Variants in MGRN1 observed in about 807,000 individuals in gnomAD.
MGRN1 encodes the protein E3 ubiquitin-protein ligase MGRN1.
Under a neutral mutation model 69.2 loss-of-function variants are expected in MGRN1, and 29 were observed. The observed-to-expected ratio is 0.42, with a 90% CI of 0.31 to 0.57. The LOEUF is 0.57. Among genes scored for constraint, MGRN1 ranks in the 20% least tolerant of loss-of-function variants. The probability of loss-of-function intolerance (pLI) is 0.15; values close to 1 mark genes in which losing one functional copy is unlikely to be tolerated. For synonymous variants in MGRN1, 470 were observed against 344.2 expected, an observed-to-expected ratio of 1.37 and a Z score of -4.04; for missense variants, 998 against 796.2, an observed-to-expected ratio of 1.25 and a Z score of -3.05.
intron 5 of MGRN1, among the ~76,000 whole-genome samples, chr16:4,658,636 C>T (rs558247060): frequency 4.6e-5 from 7 of 152,122 alleles, no homozygotes; most frequent in South Asian, 2.1e-4. Context: ...AGCTGACTTA[C>T]GCTGGGGCCA....
intron 16 of MGRN1, chr16:4,687,896 C>G: frequency 1.0e-6 from 1 of 985,552 alleles, no homozygotes; most frequent in Non-Finnish European, 1.2e-6. Context: ...CTCTGTTGAC[C>G]CCTGTCCTGA....
intron 10 of MGRN1, among the ~76,000 whole-genome samples, chr16:4,675,947 G>A (rs2079044149): frequency 6.6e-6 from 1 of 152,232 alleles, no homozygotes; most frequent in Admixed American, 6.5e-5. Context: ...CATCCCACTG[G>A]TAGGCCCTTG....
rs1468590305 is a variant in MGRN1 at position 4,661,779 on chromosome 16, C to T, written c.562-2930C>T. Among the ~76,000 whole-genome samples, 3 of 152,244 alleles carry T rather than the reference C, an allele frequency of 2.0e-5. No individual in the cohort carries two copies. In the East Asian group the frequency reaches 5.8e-4, roughly 29 times the overall value. On this transcript the variant is annotated intron_variant, in intron 5 of 16. Transcript: ENST00000262370. Reference sequence around the variant, plus strand: ...TTGTGGCTGGAACCCCTGACCCTTCCTCGTGAGATGCGGGGCCTAGGTCCG... The same window carrying T: ...TTGTGGCTGGAACCCCTGACCCTTCTTCGTGAGATGCGGGGCCTAGGTCCG...
At chr16:4,656,358 A>G (rs905297182) in intron 4 of MGRN1, among the ~76,000 whole-genome samples, 20 of 152,306 alleles carry the variant, frequency 1.3e-4, no homozygotes, top group Admixed American at 2.6e-4. Context: ...GGTTCACAGG[A>G]CACAGCCCCT....
At chr16:4,665,187 T>G in intron 7 of MGRN1, 36 bp downstream of exon 7, 4 of 1,611,362 alleles carry the variant, frequency 2.5e-6, no homozygotes, top group Non-Finnish European at 3.4e-6. Flanking sequence ...CCCGGGGACC[T>G]GGGAGCTGGG....
intron 1 of MGRN1, 74 bp from the exon 2 acceptor site, chr16:4,650,291 C>T (rs2078373993): frequency 6.5e-6 from 8 of 1,229,504 alleles, no homozygotes; most frequent in Non-Finnish European, 9.2e-6. Flanking sequence ...TGGAGCGCCA[C>T]TGCACTCTAG....
chr16:4,687,463 C>T lies in MGRN1; in HGVS notation c.1619-1333C>T, dbSNP rs554695972. 5.9e-5 allele frequency: 56 copies of T among 949,238 alleles called. No homozygotes were observed. The East Asian group carries it at 7.0e-4, about 12-fold the overall frequency. The allele number at this position is 949,238 out of a possible 1,614,324, so 58.8% of individuals were successfully genotyped here. Reference sequence around the variant, plus strand: ...AGGGGTGCTGAGGTGGGAGGATTGCCGGAGCTGGGGAGGTCAAGGCCCACT... The same window carrying T: ...AGGGGTGCTGAGGTGGGAGGATTGCTGGAGCTGGGGAGGTCAAGGCCCACT... On this transcript the variant is annotated intron_variant, in intron 16 of 16. Coordinates refer to ENST00000262370, the MANE Select transcript of MGRN1 (RefSeq NM_015246.4).
intron 1 of MGRN1, among the ~76,000 whole-genome samples, chr16:4,648,872 C>G (rs1236473747): frequency 1.0e-4 from 14 of 140,644 alleles, no homozygotes; most frequent in Admixed American, 3.5e-4. Flanking sequence ...GGCTCCTCCT[C>G]TCGGGGACTC....
intron 14 of MGRN1, 40 bp downstream of exon 14, chr16:4,682,986 C>T (rs1011769217): frequency 6.6e-7 from 1 of 1,506,244 alleles, no homozygotes; most frequent in Non-Finnish European, 8.9e-7. Flanking sequence ...CCCGCCCGGG[C>T]CAGCCCTCCT....
chr16:4,628,317 T>A (rs533964238), intron 1 of MGRN1, among the ~76,000 whole-genome samples: 1 of 130,666 alleles, frequency 7.7e-6, no homozygotes, highest in African/African-American at 3.0e-5. Flanking sequence ...ACCCGGGAGG[T>A]GAAGCTTGCA....
At position 4,684,071 on chromosome 16, in the gene MGRN1, C is replaced by T; in HGVS notation, c.1618+139C>T. Reference sequence around the variant, plus strand: ...GTTCTCTCCCTGGCTCTCAGCCATGCCCCTGCTATTGACCGTGAAGCAGGA... The same window carrying T: ...GTTCTCTCCCTGGCTCTCAGCCATGTCCCTGCTATTGACCGTGAAGCAGGA... On this transcript the variant is annotated intron_variant, in intron 16 of 16. Transcript: ENST00000262370. The T allele has an allele frequency of 3.9e-6, 3 of 773,388 alleles. No individual in the cohort carries two copies. The East Asian group carries it at 8.2e-5, about 21-fold the overall frequency. The allele number at this position is 773,388 out of a possible 1,614,324, so 47.9% of individuals were successfully genotyped here.
Position 4,632,781 on chromosome 16 carries a change from G to A in MGRN1, c.88+7733G>A, listed in dbSNP as rs1034959229. On this transcript the variant is annotated intron_variant, in intron 1 of 16. Transcript: ENST00000262370. ...CATCACACCAAAAAGAAACCCAGTG[G>A]CCATGAAACAGTCACTCACGGCCAG... Among the ~76,000 whole-genome samples, 91 of 152,254 alleles carry A rather than the reference G, an allele frequency of 6.0e-4. 1 individual carries two copies. Among genetic ancestry groups the A allele is most frequent in the Admixed American group, 5.3e-3 (81 of 15,270 alleles).
intron 3 of MGRN1, among the ~76,000 whole-genome samples, chr16:4,652,383 C>A (rs886298797): frequency 6.6e-6 from 1 of 152,066 alleles, no homozygotes; most frequent in Non-Finnish European, 1.5e-5. Flanking sequence ...CAGGAATGAC[C>A]CAGCACCAGA....
Position 4,673,840 on chromosome 16 carries a change from G to C in MGRN1, c.955+183G>C, listed in dbSNP as rs1354248198. ...CGGAGTCAGTCACCGTGAGAGAGCT[G>C]GCAGGGACGCTAGCACGGGGCATTC... On this transcript the variant is annotated intron_variant, in intron 10 of 16. Coordinates refer to ENST00000262370, the MANE Select transcript of MGRN1 (RefSeq NM_015246.4). Among the ~76,000 whole-genome samples, 5 of 152,320 alleles carry C rather than the reference G, an allele frequency of 3.3e-5. No individual in the cohort carries two copies. In the East Asian group the frequency reaches 9.6e-4, roughly 29 times the overall value.
At chr16:4,683,191 G>C in intron 14 of MGRN1, 33 bp from the exon 15 acceptor site, 1 of 1,612,194 alleles carries the variant, frequency 6.2e-7, no homozygotes, top group African/African-American at 1.3e-5. Flanking sequence ...GCGGCTCTCT[G>C]AGCTCTAGGC....
intron 5 of MGRN1, among the ~76,000 whole-genome samples, chr16:4,660,425 C>G (rs906233091): frequency 2.6e-5 from 4 of 152,238 alleles, no homozygotes; most frequent in African/African-American, 9.6e-5. Context: ...CTCCCCAGAC[C>G]GTTGGTTTTT....
At chr16:4,657,165 C>G (rs1029809750) in intron 4 of MGRN1, 81 bp from the exon 5 acceptor site, 1 of 1,349,910 alleles carries the variant, frequency 7.4e-7, no homozygotes, top group Non-Finnish European at 1.1e-6. Flanking sequence ...TGCGGCCCTT[C>G]CAGCTGTCGG....
In MGRN1 at chr16:4,683,230, A is replaced by G. The variant is rs771456202; in HGVS notation, c.1489A>G (p.Ile497Val). Residue 497 changes from isoleucine to valine, a missense_variant, in exon 15 of 17, where the codon ATA (isoleucine) becomes GTA (valine). Coordinates refer to ENST00000262370, the MANE Select transcript of MGRN1 (RefSeq NM_015246.4). ...TTTCCCCTTTGTTTCCTAGAGTTTC[A>G]TAACAGAAGAGGTTGATGAGTCGTC... ...LRESSSPESF[I>V]TEEVDESSSP... 1 of 1,613,800 alleles carries G rather than the reference A, an allele frequency of 6.2e-7. No homozygotes were observed. The highest frequency in any genetic ancestry group is 8.5e-7 in the Non-Finnish European group (1 of 1,179,962).
At chr16:4,677,912 A>G (rs1224309168) in intron 11 of MGRN1, among the ~76,000 whole-genome samples, 1 of 149,812 alleles carries the variant, frequency 6.7e-6, no homozygotes, top group Non-Finnish European at 1.5e-5. Context: ...AAAGTGGTGC[A>G]ATGTCAGCTC....
Sources: gnomAD v4.1 joint callset for allele counts (sites outside exome capture counted in the v4.1 genomes callset) on GRCh38, gnomAD v4.1.1 for gene constraint, MANE v1.5 for transcripts, NCBI Gene and HGNC (gene_info 2026-07-23, HGNC 2026-07-21) for gene names.